SCHIP1: variants seen among roughly 807,000 people sequenced by gnomAD.
The protein encoded by SCHIP1 is schwannomin interacting protein 1.
Under a neutral mutation model 29.7 loss-of-function variants are expected in SCHIP1, and 8 were observed. The observed-to-expected ratio is 0.27, with a 90% CI of 0.16 to 0.49. The LOEUF (loss-of-function observed/expected upper bound fraction) is 0.49. Among genes scored for constraint, SCHIP1 ranks in the 20% least tolerant of loss-of-function variants. The probability of loss-of-function intolerance (pLI) is 0.99; values close to 1 mark genes in which losing one functional copy is unlikely to be tolerated. For missense variants in SCHIP1, 193 were observed against 294.6 expected, an observed-to-expected ratio of 0.66 and a Z score of 2.52; for synonymous variants, 76 against 94.9, an observed-to-expected ratio of 0.80 and a Z score of 1.16.
At chr3:159,380,016 T>C in the SCHIP1 span, among the ~76,000 whole-genome samples, 7 of 152,208 alleles carry the variant, frequency 4.6e-5, no homozygotes, top group African/African-American at 1.7e-4. Flanking sequence ...ATGCCTAAGA[T>C]GTGGATTTAA....
chr3:159,432,303 T>C, the SCHIP1 span, among the ~76,000 whole-genome samples: 2 of 93,248 alleles, frequency 2.1e-5, no homozygotes, highest in African/African-American at 7.4e-5. Flanking sequence ...TGTGTGTGTG[T>C]GTGTGTGTGT....
At chr3:159,535,094 A>G in the SCHIP1 span, among the ~76,000 whole-genome samples, 6 of 152,164 alleles carry the variant, frequency 3.9e-5, no homozygotes, top group Non-Finnish European at 8.8e-5. Flanking sequence ...AGCACCCTTG[A>G]TGTACCAGGA....
chr3:159,567,508 T>C, the SCHIP1 span, among the ~76,000 whole-genome samples: 1 of 152,162 alleles, frequency 6.6e-6, no homozygotes, highest in African/African-American at 2.4e-5. Context: ...ACAGATTTTT[T>C]TTTCTATTGG....
At chr3:159,349,895 G>GCTTA in the SCHIP1 span, among the ~76,000 whole-genome samples, 1 of 152,220 alleles carries the variant, frequency 6.6e-6, no homozygotes. Context: ...GGTGTTGGAA[G>GCTTA]CTTAAACTTT....
the SCHIP1 span, among the ~76,000 whole-genome samples, chr3:159,807,499 G>T: frequency 6.6e-6 from 1 of 152,078 alleles, no homozygotes; most frequent in Admixed American, 6.5e-5. Flanking sequence ...AAAACTTTGG[G>T]TACAAAAATA....
chr3:159,552,680 C>T, the SCHIP1 span, among the ~76,000 whole-genome samples: 1 of 152,142 alleles, frequency 6.6e-6, no homozygotes, highest in East Asian at 1.9e-4. Context: ...ATCTTTCTTG[C>T]TTTTCAATTA....
At chr3:159,628,651 G>T in the SCHIP1 span, among the ~76,000 whole-genome samples, 1 of 152,178 alleles carries the variant, frequency 6.6e-6, no homozygotes, top group African/African-American at 2.4e-5. Flanking sequence ...GAACCCAAAG[G>T]TATACCTGTT....
At chr3:159,874,614 C>T (rs1215100471) in intron 2 of SCHIP1, among the ~76,000 whole-genome samples, 1 of 152,178 alleles carries the variant, frequency 6.6e-6, no homozygotes, top group Non-Finnish European at 1.5e-5. Context: ...AACTGAGAAT[C>T]TGTATATACA....
chr3:159,800,434 C>G, the SCHIP1 span, among the ~76,000 whole-genome samples: 5 of 152,182 alleles, frequency 3.3e-5, no homozygotes, highest in African/African-American at 1.2e-4. Flanking sequence ...CAATTCAAAG[C>G]CAGGGTCGGA....
the SCHIP1 span, among the ~76,000 whole-genome samples, chr3:159,361,159 G>C: frequency 6.6e-6 from 1 of 152,094 alleles, no homozygotes; most frequent in Non-Finnish European, 1.5e-5. Flanking sequence ...AAATTGCATG[G>C]TATGTTAGAA....
At chr3:159,290,851 A>C in the SCHIP1 span, among the ~76,000 whole-genome samples, 1 of 152,118 alleles carries the variant, frequency 6.6e-6, no homozygotes, top group Admixed American at 6.6e-5. Flanking sequence ...AGATTTTTAG[A>C]TATGAGAAAA....
the SCHIP1 span, among the ~76,000 whole-genome samples, chr3:159,554,623 T>A: frequency 6.6e-6 from 1 of 152,126 alleles, no homozygotes; most frequent in Admixed American, 6.5e-5. Context: ...GCTTCTTCCC[T>A]CCGTGGCTCC....
the SCHIP1 span, among the ~76,000 whole-genome samples, chr3:159,741,671 A>G: frequency 6.6e-6 from 1 of 152,234 alleles, no homozygotes; most frequent in Non-Finnish European, 1.5e-5. Context: ...AGAAAAGGCC[A>G]TATGGGATCA....
At chr3:159,720,292 A>C in the SCHIP1 span, among the ~76,000 whole-genome samples, 1 of 152,004 alleles carries the variant, frequency 6.6e-6, no homozygotes, top group African/African-American at 2.4e-5. Flanking sequence ...GTAAATGACA[A>C]GTTAACGGGT....
chr3:159,817,385 C>T, the SCHIP1 span, among the ~76,000 whole-genome samples: 1 of 152,110 alleles, frequency 6.6e-6, no homozygotes, highest in Non-Finnish European at 1.5e-5. Flanking sequence ...CTAATGACTT[C>T]ACTGTGGTAC....
the SCHIP1 span, among the ~76,000 whole-genome samples, chr3:159,654,549 T>C: frequency 6.6e-6 from 1 of 152,044 alleles, no homozygotes; most frequent in Non-Finnish European, 1.5e-5. Context: ...CCTTACTCCC[T>C]GAGTGTGTTG....
chr3:159,691,218 A>C, the SCHIP1 span, among the ~76,000 whole-genome samples: 1 of 152,100 alleles, frequency 6.6e-6, no homozygotes, highest in Non-Finnish European at 1.5e-5. Flanking sequence ...ATTGTGTGGG[A>C]GTCTAAGTCT....
the SCHIP1 span, among the ~76,000 whole-genome samples, chr3:159,715,550 A>T: frequency 4.6e-5 from 7 of 152,340 alleles, no homozygotes; most frequent in African/African-American, 1.7e-4. Flanking sequence ...CGTAGAGAAG[A>T]CCTTAAATGA....
chr3:159,449,911 G>GGAA, the SCHIP1 span, among the ~76,000 whole-genome samples: 1 of 151,862 alleles, frequency 6.6e-6, no homozygotes, highest in East Asian at 1.9e-4. Flanking sequence ...GAAGAAAAAG[G>GGAA]GAAGAAAGAG....
Sources: allele counts gnomAD v4.1 joint callset (sites outside exome capture counted in the v4.1 genomes callset), GRCh38; gene constraint gnomAD v4.1.1; transcripts MANE v1.5; gene names NCBI Gene and HGNC (gene_info 2026-07-23, HGNC 2026-07-21).